Variants in CTNNA3 observed in about 807,000 individuals in gnomAD.
The protein encoded by CTNNA3 is catenin alpha 3, also known as catenin alpha-3.
Under a neutral mutation model 95.7 loss-of-function variants are expected in CTNNA3, and 76 were observed. The ratio of observed to expected loss-of-function variants is 0.79; its 90% CI spans 0.66 to 0.96. CTNNA3 has a LOEUF of 0.96. CTNNA3 is among the 40% of genes least tolerant of loss of function. CTNNA3 has a pLI of 0.00. For missense variants in CTNNA3, 1,191 were observed against 1,089.8 expected, an observed-to-expected ratio of 1.09 and a Z score of -1.31; for synonymous variants, 431 against 374.4, an observed-to-expected ratio of 1.15 and a Z score of -1.74.
At chr10:65,971,052 T>C (rs1161748756) in intron 16 of CTNNA3, among the ~76,000 whole-genome samples, 1 of 151,510 alleles carries the variant, frequency 6.6e-6, no homozygotes. Flanking sequence ...AATGGACTAA[T>C]AAATTTACTT....
intron 11 of CTNNA3, among the ~76,000 whole-genome samples, chr10:66,434,809 GAT>G (rs1191725136): frequency 6.6e-6 from 1 of 152,126 alleles, no homozygotes. Flanking sequence ...ATTATTTTGA[GAT>G]ATGTTCCATC....
chr10:66,523,581 CT>C (rs139840173), intron 10 of CTNNA3, among the ~76,000 whole-genome samples: 4,040 of 151,894 alleles, frequency 0.027, 184 homozygotes, highest in African/African-American at 0.092. Context: ...AAAACTAAAG[CT>C]TTTTTTTAAA....
intron 7 of CTNNA3, among the ~76,000 whole-genome samples, chr10:67,126,191 C>T (rs542094447): frequency 1.3e-5 from 2 of 152,278 alleles, no homozygotes; most frequent in East Asian, 3.9e-4. Context: ...TCTGACATAG[C>T]TTCAGAATGA....
At chr10:66,445,128 TA>T (rs1387000974) in intron 11 of CTNNA3, among the ~76,000 whole-genome samples, 7 of 152,030 alleles carry the variant, frequency 4.6e-5, no homozygotes, top group African/African-American at 1.5e-4. Flanking sequence ...CTAACTATCC[TA>T]AATATACATG....
intron 3 of CTNNA3, among the ~76,000 whole-genome samples, chr10:67,550,909 C>T (rs1841006278): frequency 6.6e-6 from 1 of 152,144 alleles, no homozygotes; most frequent in Non-Finnish European, 1.5e-5. Flanking sequence ...GGAGCTTCAG[C>T]AAACTTTCGT....
chr10:67,220,287 G>T (rs1484780548), intron 5 of CTNNA3, among the ~76,000 whole-genome samples: 2 of 152,112 alleles, frequency 1.3e-5, no homozygotes, highest in Non-Finnish European at 2.9e-5. Flanking sequence ...TAGACCAATT[G>T]AGTTAAGAAC....
chr10:67,315,992 A>G (rs1841034096), intron 5 of CTNNA3, among the ~76,000 whole-genome samples: 1 of 152,144 alleles, frequency 6.6e-6, no homozygotes, highest in African/African-American at 2.4e-5. Flanking sequence ...TGAAAGAAAA[A>G]ATATGTTAAT....
chr10:66,387,756 T>C (rs1447910389), intron 11 of CTNNA3, among the ~76,000 whole-genome samples: 3 of 152,172 alleles, frequency 2.0e-5, no homozygotes, highest in African/African-American at 4.8e-5. Context: ...CATGGAATAC[T>C]ATGCAGCCAT....
intron 7 of CTNNA3, among the ~76,000 whole-genome samples, chr10:66,873,166 C>T (rs1354197133): frequency 6.6e-6 from 1 of 152,020 alleles, no homozygotes; most frequent in Non-Finnish European, 1.5e-5. Context: ...GAGGAGTGCA[C>T]GTATGTTTTT....
At chr10:66,132,263 A>G (rs2083143515) in intron 13 of CTNNA3, among the ~76,000 whole-genome samples, 1 of 152,236 alleles carries the variant, frequency 6.6e-6, no homozygotes, top group South Asian at 2.1e-4. Flanking sequence ...CACTTTTCAA[A>G]AGAAGACATA....
At chr10:67,728,158 T>G (rs939781372) in intron 1 of CTNNA3, among the ~76,000 whole-genome samples, 3 of 146,074 alleles carry the variant, frequency 2.1e-5, no homozygotes, top group African/African-American at 7.5e-5. Context: ...TACTTTAGAG[T>G]TTCTAAGAAT....
chr10:66,022,336 G>A (rs970015059), intron 15 of CTNNA3, among the ~76,000 whole-genome samples: 4 of 152,106 alleles, frequency 2.6e-5, no homozygotes, highest in Non-Finnish European at 5.9e-5. Flanking sequence ...AATGAATGAT[G>A]TATAGTTATC....
chr10:65,916,048 C>T lies in CTNNA3; in HGVS notation c.*4282G>A, dbSNP rs907014797. ...TCTCAAACTGCTATTGTTATTAGTCCTGGCTTATTTGTTTAGTGGTAAAAT... is the reference window on the plus strand; with the variant it reads ...TCTCAAACTGCTATTGTTATTAGTCTTGGCTTATTTGTTTAGTGGTAAAAT... On this transcript the variant is annotated 3_prime_UTR_variant, in exon 18 of 18. Coordinates refer to ENST00000433211, the MANE Select transcript of CTNNA3 (RefSeq NM_013266.4). 15 of 151,926 alleles carry T rather than the reference C, an allele frequency of 9.9e-5. No individual in the cohort carries two copies. Among genetic ancestry groups the T allele is most frequent in the African/African-American group, 3.6e-4 (15 of 41,364 alleles). 9.4% of individuals were successfully genotyped at this position (151,926 alleles called of 1,614,324 possible).
At chr10:67,153,041 T>C (rs1291040688) in intron 7 of CTNNA3, among the ~76,000 whole-genome samples, 1 of 152,034 alleles carries the variant, frequency 6.6e-6, no homozygotes, top group Non-Finnish European at 1.5e-5. Flanking sequence ...AGTGGTGTGA[T>C]ATCAGCTCAC....
chr10:66,774,687 C>T (rs569099047), intron 8 of CTNNA3, among the ~76,000 whole-genome samples: 1 of 152,174 alleles, frequency 6.6e-6, no homozygotes, highest in African/African-American at 2.4e-5. Flanking sequence ...AGCTTTTTCT[C>T]CCTTTTGATG....
intron 1 of CTNNA3, among the ~76,000 whole-genome samples, chr10:67,761,809 C>T (rs1433000685): frequency 1.3e-5 from 2 of 150,420 alleles, no homozygotes; most frequent in East Asian, 2.0e-4. Flanking sequence ...ACCCACGAGG[C>T]GGAGCTTGCA....
intron 5 of CTNNA3, among the ~76,000 whole-genome samples, chr10:67,228,614 A>C (rs2132290292): frequency 1.1e-5 from 1 of 95,072 alleles, no homozygotes; most frequent in South Asian, 3.3e-4. Flanking sequence ...ACTCCATCTC[A>C]AAAAAAAAAT....
chr10:66,852,291 G>A (rs1042694514), intron 7 of CTNNA3, among the ~76,000 whole-genome samples: 5 of 152,010 alleles, frequency 3.3e-5, no homozygotes, highest in Non-Finnish European at 7.4e-5. Context: ...ACAATCTGAT[G>A]GAAGGACATT....
intron 12 of CTNNA3, among the ~76,000 whole-genome samples, chr10:66,348,202 A>G (rs2092539318): frequency 6.6e-6 from 1 of 152,054 alleles, no homozygotes. Flanking sequence ...AAACACAATA[A>G]CTTCATCTTA....
Sources: gnomAD v4.1 joint callset for allele counts (sites outside exome capture counted in the v4.1 genomes callset) on GRCh38, gnomAD v4.1.1 for gene constraint, MANE v1.5 for transcripts, NCBI Gene and HGNC (gene_info 2026-07-23, HGNC 2026-07-21) for gene names.